Variants in RAB15 observed in about 807,000 individuals in gnomAD.
RAB15 encodes ras-related protein Rab-15.
Under a neutral mutation model 31.8 loss-of-function variants are expected in RAB15, and 13 were observed. The ratio of observed to expected loss-of-function variants is 0.41; its 90% CI spans 0.27 to 0.65. RAB15 has a LOEUF of 0.65. RAB15 is among the 30% of genes least tolerant of loss of function. The probability of loss-of-function intolerance (pLI) is 0.32; values close to 1 mark genes in which losing one functional copy is unlikely to be tolerated. For synonymous variants in RAB15, 100 were observed against 105.6 expected (o/e 0.95, Z 0.33); for missense variants, 220 against 277.3 (o/e 0.79, Z 1.47).
Position 64,950,258 on chromosome 14 carries a change from C to A in RAB15, c.414+67G>T. On this transcript the variant is annotated intron_variant, in intron 5 of 6. Transcript: ENST00000533601. This position sits in a 1 kb window ranked among gnomAD's most constrained non-coding sequence, Gnocchi z 5.6. The stretch of plus-strand genomic sequence containing the variant: ...TGGGGAACACACCCCTAGGTCCCCA[C>A]GCTCAGGACTGGCCCTGGAGGCCCA... 2.3e-6 allele frequency: 3 copies of A among 1,326,872 alleles called. No homozygotes were observed. Among genetic ancestry groups the A allele is most frequent in the Non-Finnish European group, 3.3e-6 (3 of 920,202 alleles). The allele number at this position is 1,326,872 out of a possible 1,614,324, so 82.2% of individuals were successfully genotyped here.
At position 64,968,085 on chromosome 14, in the gene RAB15, A is replaced by G. The variant is rs142779280; in HGVS notation, c.124+3868T>C. Among the ~76,000 whole-genome samples, 333 of 152,302 alleles carry G rather than the reference A, an allele frequency of 2.2e-3. 2 individuals carry two copies. Among genetic ancestry groups the G allele is most frequent in the African/African-American group, 7.6e-3 (315 of 41,558 alleles). On this transcript the variant is annotated intron_variant, in intron 1 of 6. Coordinates refer to ENST00000533601, the MANE Select transcript of RAB15 (RefSeq NM_001308154.2). This position sits in a 1 kb window ranked among gnomAD's most constrained non-coding sequence, Gnocchi z 4.9. ...GTCCCTGCATTCATTCATTAATTTAACAACAGGCATTGAATCTGCCTGGCC... is the reference window on the plus strand; with the variant it reads ...GTCCCTGCATTCATTCATTAATTTAGCAACAGGCATTGAATCTGCCTGGCC...
chr14:64,951,249 TC>T lies in RAB15; in HGVS notation c.247-99del, dbSNP rs1233692369. On this transcript the variant is annotated intron_variant, in intron 3 of 6. Transcript: ENST00000533601. The surrounding 1 kb of genome is among the most constrained non-coding windows in gnomAD (Gnocchi z 7.2). ...GAAACTTAAAGGTTGGGTCCCACTC[TC>T]CCATTCTCCCTGCTCAGCATCCAGA... is the stretch of plus-strand genomic sequence containing the variant. 5 of 932,092 alleles carry T rather than the reference TC, an allele frequency of 5.4e-6. No homozygotes were observed. The highest frequency in any genetic ancestry group is 6.7e-6 in the Non-Finnish European group (4 of 599,954). The allele number at this position is 932,092 out of a possible 1,614,324, so 57.7% of individuals were successfully genotyped here. A position where few individuals can be genotyped will look rare whatever the true frequency, so the allele number is the denominator to read the frequency against.
In RAB15 at chr14:64,951,753, C is replaced by A. The variant is rs1308353509; in HGVS notation, c.186-90G>T. 6 of 1,172,744 alleles carry A rather than the reference C, an allele frequency of 5.1e-6. No homozygotes were observed. The highest frequency in any genetic ancestry group is 7.7e-6 in the Non-Finnish European group (6 of 779,916). The allele number at this position is 1,172,744 out of a possible 1,614,324, so 72.6% of individuals were successfully genotyped here. On this transcript the variant is annotated intron_variant, in intron 2 of 6. Transcript: ENST00000533601. The surrounding 1 kb of genome is among the most constrained non-coding windows in gnomAD (Gnocchi z 7.2). ...CAGAGCTGTCCCCTTGTAGGAAAAA[C>A]TGGGGAGCTAAAGGGTGAAAAACCA...
rs1312550614 is a variant in RAB15, at chr14:64,958,119, AT to A, written c.125-5549del. ...CCACCACACCCAGCTAATTTTTTGT[AT>A]TTTTAGTAGAGACGGGGTTTCACTG... On this transcript the variant is annotated intron_variant, in intron 1 of 6. Transcript: ENST00000533601. This position sits in a 1 kb window ranked among gnomAD's most constrained non-coding sequence, Gnocchi z 4.4. The A allele has an allele frequency of 6.6e-6, 1 of 152,176 alleles. No individual in the cohort carries two copies. The highest frequency in any genetic ancestry group is 1.9e-4 in the East Asian group (1 of 5,210). The allele number at this position is 152,176 out of a possible 1,614,324, so 9.4% of individuals were successfully genotyped here.
Position 64,953,495 on chromosome 14 carries a change from G to C in RAB15, c.125-924C>G, listed in dbSNP as rs1353935250. Among the ~76,000 whole-genome samples the C allele has an allele frequency of 6.6e-6, 1 of 152,182 alleles. No individual in the cohort carries two copies. Among genetic ancestry groups the C allele is most frequent in the East Asian group, 1.9e-4 (1 of 5,198 alleles). ...ATGGCATGGCATGTCACTGCGGGAGGGAAAGGAAGCAAAGAGTTCCCACGC... is the reference window on the plus strand; with the variant it reads ...ATGGCATGGCATGTCACTGCGGGAGCGAAAGGAAGCAAAGAGTTCCCACGC... On this transcript the variant is annotated intron_variant, in intron 1 of 6. Coordinates refer to ENST00000533601, the MANE Select transcript of RAB15 (RefSeq NM_001308154.2). The surrounding 1 kb of genome is among the most constrained non-coding windows in gnomAD (Gnocchi z 4.6).
chr14:64,959,481 A>T (rs1193489362), intron 1 of RAB15, among the ~76,000 whole-genome samples: 1 of 152,226 alleles, frequency 6.6e-6, no homozygotes, highest in African/African-American at 2.4e-5. Flanking sequence ...TTGACAAAGC[A>T]TTTGTTTTGT....
rs61692455 is a variant in RAB15, at chr14:64,971,845, C to A, written c.124+108G>T. On this transcript the variant is annotated intron_variant, in intron 1 of 6. Transcript: ENST00000533601. The surrounding 1 kb of genome is among the most constrained non-coding windows in gnomAD (Gnocchi z 4.1). ...CCCGGACTCCGGCCTCCGGCGCCAC[C>A]GCCTCCAGCCGGAGGGGCTGGCAAT... is the stretch of plus-strand genomic sequence containing the variant. The A allele has an allele frequency of 4.5e-6, 5 of 1,112,166 alleles. No individual in the cohort carries two copies. In the African/African-American group the frequency reaches 8.0e-5, roughly 18 times the overall value. 68.9% of individuals were successfully genotyped at this position (1,112,166 alleles called of 1,614,324 possible).
At position 64,954,547 on chromosome 14, in the gene RAB15, A is replaced by G. The variant is rs1886434352; in HGVS notation, c.125-1976T>C. On this transcript the variant is annotated intron_variant, in intron 1 of 6. Coordinates refer to ENST00000533601, the MANE Select transcript of RAB15 (RefSeq NM_001308154.2). This position sits in a 1 kb window ranked among gnomAD's most constrained non-coding sequence, Gnocchi z 4.3. ...GAGAAGGTTTTATTTCCTTTATCCC[A>G]CAAACATTTATGGGAACTTCCTATG... 1 of 984,694 alleles carries G rather than the reference A, an allele frequency of 1.0e-6. No individual in the cohort carries two copies. Among genetic ancestry groups the G allele is most frequent in the Non-Finnish European group, 1.2e-6 (1 of 829,340 alleles). The allele number at this position is 984,694 out of a possible 1,614,324, so 61.0% of individuals were successfully genotyped here. A position where few individuals can be genotyped will look rare whatever the true frequency, so the allele number is the denominator to read the frequency against.
intron 1 of RAB15, among the ~76,000 whole-genome samples, chr14:64,964,049 C>G (rs1886993071): frequency 6.6e-6 from 1 of 152,188 alleles, no homozygotes; most frequent in African/African-American, 2.4e-5. Context: ...ATCCTGTTCA[C>G]TTCAGACTCT....
chr14:64,956,446 C>T (rs577452323), intron 1 of RAB15, among the ~76,000 whole-genome samples: 5 of 150,830 alleles, frequency 3.3e-5, no homozygotes, highest in South Asian at 2.1e-4. Context: ...GAAAAGAAAA[C>T]GAAATGCAAA....
rs1264669542 is a variant in RAB15, at chr14:64,971,051, G to A, written c.124+902C>T. On this transcript the variant is annotated intron_variant, in intron 1 of 6. Transcript: ENST00000533601. This position sits in a 1 kb window ranked among gnomAD's most constrained non-coding sequence, Gnocchi z 4.1. ...CCTGGGCAATGCAGAGGCTACTCCA[G>A]GGCTGACCCGGGTAGCAGCTGAGGA... 6.6e-6 allele frequency among the ~76,000 whole-genome samples: 1 copy of A among 152,192 alleles called. No individual in the cohort carries two copies. Among genetic ancestry groups the A allele is most frequent in the African/African-American group, 2.4e-5 (1 of 41,450 alleles).
rs763680326 is a variant in RAB15 at position 64,970,251 on chromosome 14, C to T, written c.124+1702G>A. On this transcript the variant is annotated intron_variant, in intron 1 of 6. Coordinates refer to ENST00000533601, the MANE Select transcript of RAB15 (RefSeq NM_001308154.2). The surrounding 1 kb of genome is among the most constrained non-coding windows in gnomAD (Gnocchi z 4.1). ...CTAGTTTCCTTAAGGGATAACCCACCGCCCTTTGTCCCTGAGCCCACAACC... is the reference window on the plus strand; with the variant it reads ...CTAGTTTCCTTAAGGGATAACCCACTGCCCTTTGTCCCTGAGCCCACAACC... Among the ~76,000 whole-genome samples the T allele has an allele frequency of 1.3e-5, 2 of 152,194 alleles. No individual in the cohort carries two copies. The highest frequency in any genetic ancestry group is 6.5e-5 in the Admixed American group (1 of 15,286).
chr14:64,956,543 C>T (rs1282027903), intron 1 of RAB15, among the ~76,000 whole-genome samples: 9 of 152,184 alleles, frequency 5.9e-5, no homozygotes, highest in Admixed American at 5.2e-4. Flanking sequence ...TAAGCTCTCA[C>T]AGTGATTCTC....
Position 64,951,586 on chromosome 14 carries a change from C to A in RAB15, c.246+17G>T. 6.2e-7 allele frequency: 1 copy of A among 1,612,974 alleles called. No individual in the cohort carries two copies. The highest frequency in any genetic ancestry group is 8.5e-7 in the Non-Finnish European group (1 of 1,178,874). ...GTGGCAGCTTCCCACTTTGAAACCC[C>A]CAATGTGGTGGCTTACCTGGGCCCG... On this transcript the variant is annotated intron_variant, in intron 3 of 6. Coordinates refer to ENST00000533601, the MANE Select transcript of RAB15 (RefSeq NM_001308154.2). This position sits in a 1 kb window ranked among gnomAD's most constrained non-coding sequence, Gnocchi z 7.2.
In RAB15 at chr14:64,947,878, G is replaced by GCGAGCTGCACACAGCAGGACACA. The variant is rs1886001075; in HGVS notation, c.*453_*475dup. Reference sequence around the variant, plus strand: ...GGATAGCTTAGGAAGGAAGGAAAGAGCGAGCTGCACACAGCAGGACACACG... The same window carrying GCGAGCTGCACACAGCAGGACACA: ...GGATAGCTTAGGAAGGAAGGAAAGAGCGAGCTGCACACAGCAGGACACACGAGCTGCACACAGCAGGACACACG... On this transcript the variant is annotated 3_prime_UTR_variant, in exon 7 of 7. Coordinates refer to ENST00000533601, the MANE Select transcript of RAB15 (RefSeq NM_001308154.2). The surrounding 1 kb of genome is among the most constrained non-coding windows in gnomAD (Gnocchi z 5.6). 1 of 154,402 alleles carries GCGAGCTGCACACAGCAGGACACA rather than the reference G, an allele frequency of 6.5e-6. No individual in the cohort carries two copies. The highest frequency in any genetic ancestry group is 1.4e-5 in the Non-Finnish European group (1 of 69,718). 9.6% of individuals were successfully genotyped at this position (154,402 alleles called of 1,614,324 possible). A position where few individuals can be genotyped will look rare whatever the true frequency, so the allele number is the denominator to read the frequency against.
chr14:64,963,710 TCAGCTGGTGTGACCATGGTGTGGCCACTC>T (rs896344638), intron 1 of RAB15, among the ~76,000 whole-genome samples: 1 of 152,206 alleles, frequency 6.6e-6, no homozygotes, highest in African/African-American at 2.4e-5. Context: ...TTCTTGAACT[TCAGCTGGTGTGACCATGGTGTGGCCACTC>T]CAGCTGGCCC....
intron 1 of RAB15, among the ~76,000 whole-genome samples, chr14:64,956,736 G>C (rs1413384159): frequency 2.6e-5 from 4 of 151,064 alleles, no homozygotes; most frequent in Admixed American, 2.6e-4. Flanking sequence ...TAGACCTACT[G>C]AATCATAATT....
rs1320127767 is a variant in RAB15 at position 64,955,828 on chromosome 14, C to T, written c.125-3257G>A. On this transcript the variant is annotated intron_variant, in intron 1 of 6. Coordinates refer to ENST00000533601, the MANE Select transcript of RAB15 (RefSeq NM_001308154.2). This position sits in a 1 kb window ranked among gnomAD's most constrained non-coding sequence, Gnocchi z 4.4. ...CCCTTTTTGTTGCATCTTTAGTATC[C>T]GTGAGAAGAAGAGATATTCTCCATC... 6.6e-6 allele frequency among the ~76,000 whole-genome samples: 1 copy of T among 152,190 alleles called. No individual in the cohort carries two copies. The highest frequency in any genetic ancestry group is 1.5e-5 in the Non-Finnish European group (1 of 68,038).
At position 64,952,526 on chromosome 14, in the gene RAB15, A is replaced by G; in HGVS notation, c.170T>C (p.Val57Ala). 6.2e-7 allele frequency: 1 copy of G among 1,612,628 alleles called. No homozygotes were observed. The part of the protein sequence containing the change: ...MKTIEVDGIK[V>A]RIQIWDTAGQ... ...CCCAGCTCACCAGATCTGTATCCGC[A>G]CTTTGATGCCGTCTACCTCTATGGT... is the stretch of plus-strand genomic sequence containing the variant. The change falls in exon 2 of 7, where the codon GTG (valine) becomes GCG (alanine). Residue 57 changes from valine to alanine, a missense_variant. Physicochemically the swap from Val to Ala is moderately conservative, Grantham distance 64. Transcript: ENST00000533601. This position sits in a 1 kb window ranked among gnomAD's most constrained non-coding sequence, Gnocchi z 4.2.
Sources: allele counts gnomAD v4.1 joint callset (sites outside exome capture counted in the v4.1 genomes callset), GRCh38; gene constraint gnomAD v4.1.1; non-coding constraint Gnocchi (gnomAD v3.1); transcripts MANE v1.5; gene names NCBI Gene and HGNC (gene_info 2026-07-23, HGNC 2026-07-21).